The following PPIP5K2 variants were observed in gnomAD, a reference collection of about 807,000 sequenced individuals.
The protein encoded by PPIP5K2 is diphosphoinositol pentakisphosphate kinase 2, also known as inositol hexakisphosphate and diphosphoinositol-pentakisphosphate kinase 2.
A neutral mutation model predicts 154.6 loss-of-function variants in PPIP5K2; 105 were observed. The ratio of observed to expected loss-of-function variants is 0.68; its 90% CI spans 0.58 to 0.80. The LOEUF (loss-of-function observed/expected upper bound fraction) is 0.80, where lower values mean the gene tolerates loss of function less well. PPIP5K2 is among the 30% of genes least tolerant of loss of function. PPIP5K2 has a pLI of 0.00. For missense variants in PPIP5K2, 992 were observed against 1,504.6 expected (o/e 0.66, Z 5.64); for synonymous variants, 480 against 490.3 (o/e 0.98, Z 0.28).
chr5:103,151,048 A>G (rs1305165160), intron 8 of PPIP5K2, among the ~76,000 whole-genome samples: 6 of 151,960 alleles, frequency 3.9e-5, no homozygotes, highest in Non-Finnish European at 5.9e-5. Context: ...AAAGACTTAA[A>G]TAATCATATA....
chr5:103,154,019 A>T, intron 11 of PPIP5K2, 85 bp downstream of exon 11: 1 of 1,003,868 alleles, frequency 1.0e-6, no homozygotes, highest in Non-Finnish European at 1.4e-6. Flanking sequence ...TTAATACATC[A>T]TATAGAAAAA....
chr5:103,149,442 C>A, intron 8 of PPIP5K2, 129 bp downstream of exon 8: 2 of 765,646 alleles, frequency 2.6e-6, no homozygotes, highest in Non-Finnish European at 3.9e-6. Flanking sequence ...CTGAATGGTT[C>A]ATGTACTTTT....
chr5:103,146,683 T>C lies in PPIP5K2; in HGVS notation c.642+2T>C. Reference sequence around the variant, plus strand: ...GGAAGTCAAAGACTCTTTAGAAAGGTAACACCTTTGTAACTTTTGTATGAA... The same window carrying C: ...GGAAGTCAAAGACTCTTTAGAAAGGCAACACCTTTGTAACTTTTGTATGAA... On this transcript the variant is annotated splice_donor_variant, in intron 6 of 30. Transcript: ENST00000358359. LOFTEE classifies it high-confidence loss of function. 1 of 1,603,700 alleles carries C rather than the reference T, an allele frequency of 6.2e-7. No individual in the cohort carries two copies. Among genetic ancestry groups the C allele is most frequent in the South Asian group, 1.1e-5 (1 of 89,806 alleles).
intron 30 of PPIP5K2, among the ~76,000 whole-genome samples, chr5:103,198,849 A>G (rs1554229373): frequency 1.3e-5 from 2 of 152,056 alleles, no homozygotes; most frequent in African/African-American, 4.8e-5. Context: ...CCTTTTGATT[A>G]TTATACCTTT....
At chr5:103,149,720 A>G (rs150956703) in intron 8 of PPIP5K2, among the ~76,000 whole-genome samples, 2,670 of 149,748 alleles carry the variant, frequency 0.018, 81 homozygotes, top group African/African-American at 0.061. Context: ...TTTTTTTGAG[A>G]CGGAGTCTCG....
intron 1 of PPIP5K2, among the ~76,000 whole-genome samples, chr5:103,125,238 G>A (rs1420683474): frequency 2.0e-5 from 3 of 152,168 alleles, no homozygotes; most frequent in Non-Finnish European, 4.4e-5. Context: ...AAGTGATGTG[G>A]AGTATAGCCT....
At position 103,159,298 on chromosome 5, in the gene PPIP5K2, C is replaced by T. The variant is rs1795865704; in HGVS notation, c.1890C>T (p.Asp630=). 1 of 1,610,662 alleles carries T rather than the reference C, an allele frequency of 6.2e-7. No homozygotes were observed. The highest frequency in any genetic ancestry group is 1.3e-5 in the African/African-American group (1 of 74,662). Reference sequence around the variant, plus strand: ...GGCTTCATGAAATACTTCAGAAAGACAGAGATTTTACTGCTGAAGATTATG... The same window carrying T: ...GGCTTCATGAAATACTTCAGAAAGATAGAGATTTTACTGCTGAAGATTATG... ...KARLHEILQK[D]RDFTAEDYEK... The change falls in exon 17 of 31, where the codon GAC becomes GAT. Residue 630 remains aspartate (D), a synonymous_variant. Coordinates refer to ENST00000358359, the MANE Select transcript of PPIP5K2 (RefSeq NM_001276277.3).
intron 17 of PPIP5K2, among the ~76,000 whole-genome samples, chr5:103,162,350 C>CTTTT (rs200973581): frequency 2.2e-5 from 3 of 138,562 alleles, no homozygotes; most frequent in Non-Finnish European, 4.7e-5. Context: ...GATGTGTTTT[C>CTTTT]TTTTTTTTTT....
chr5:103,139,633 A>G (rs1041485761), intron 5 of PPIP5K2, among the ~76,000 whole-genome samples: 2 of 152,220 alleles, frequency 1.3e-5, no homozygotes, highest in African/African-American at 2.4e-5. Context: ...GTGAATGTCT[A>G]CAAGCATCAA....
intron 30 of PPIP5K2, among the ~76,000 whole-genome samples, chr5:103,197,860 G>T (rs1392853712): frequency 6.6e-6 from 1 of 151,652 alleles, no homozygotes; most frequent in South Asian, 2.1e-4. Flanking sequence ...TTACAGGTGT[G>T]AGCCACCGCA....
chr5:103,179,828 G>A (rs1799236977), intron 23 of PPIP5K2, among the ~76,000 whole-genome samples, 193 bp from the exon 24 acceptor site: 1 of 152,000 alleles, frequency 6.6e-6, no homozygotes, highest in African/African-American at 2.4e-5. Flanking sequence ...TGAACTCAGA[G>A]ACTCTGCCTT....
intron 10 of PPIP5K2, among the ~76,000 whole-genome samples, chr5:103,153,256 T>C (rs1794914497): frequency 6.6e-6 from 1 of 151,864 alleles, no homozygotes; most frequent in South Asian, 2.1e-4. Context: ...TCATACTGAT[T>C]TAACACGCAA....
At chr5:103,151,406 C>T (rs115133733) in intron 9 of PPIP5K2, 32 bp downstream of exon 9, 16,747 of 1,511,846 alleles carry the variant, frequency 0.011, 109 homozygotes, top group Non-Finnish European at 0.014. Context: ...TTTTTACCTT[C>T]ATATACTAGT....
In PPIP5K2 at chr5:103,208,114, G is replaced by T; in HGVS notation, c.*6480G>T. ...TCTTTTTCTTTTTTTTTTTGAGATG[G>T]AGTTTTACTCTTGTTGCCTAGGCTG... On this transcript the variant is annotated 3_prime_UTR_variant, in exon 31 of 31. Transcript: ENST00000358359. 1 of 149,414 alleles carries T rather than the reference G, an allele frequency of 6.7e-6. No individual in the cohort carries two copies. Among genetic ancestry groups the T allele is most frequent in the Admixed American group, 6.7e-5 (1 of 14,980 alleles). 9.3% of individuals were successfully genotyped at this position (149,414 alleles called of 1,614,324 possible).
Position 103,158,463 on chromosome 5 carries a change from G to GGA in PPIP5K2, c.1628_1629dup (p.Phe544AspfsTer30). 1 of 1,605,306 alleles carries GGA rather than the reference G, an allele frequency of 6.2e-7. No homozygotes were observed. Among genetic ancestry groups the GGA allele is most frequent in the Admixed American group, 1.7e-5 (1 of 57,670 alleles). ...GGATTTATTTTCAGGAGATTATGCA[G>GGA]GATTTCCTGGTTGTGGTTTACTTAG... On this transcript the variant is annotated frameshift_variant, in exon 16 of 31. Coordinates refer to ENST00000358359, the MANE Select transcript of PPIP5K2 (RefSeq NM_001276277.3). LOFTEE classifies it high-confidence loss of function.
intron 25 of PPIP5K2, chr5:103,184,235 ATTTAAAG>A (rs1182565904): frequency 6.5e-6 from 1 of 153,676 alleles, no homozygotes; most frequent in East Asian, 1.9e-4. Context: ...GGCTGTGAAT[ATTTAAAG>A]GTTACTCTGA....
chr5:103,177,399 T>G (rs930691076), intron 21 of PPIP5K2, among the ~76,000 whole-genome samples: 7 of 151,936 alleles, frequency 4.6e-5, no homozygotes, highest in Admixed American at 2.6e-4. Flanking sequence ...GCTCAAAAAG[T>G]TTTGAATTTT....
intron 17 of PPIP5K2, among the ~76,000 whole-genome samples, chr5:103,162,958 T>C (rs1554216493): frequency 6.6e-6 from 1 of 152,086 alleles, no homozygotes; most frequent in Admixed American, 6.6e-5. Context: ...GACTATTCTT[T>C]CCCATTACTC....
intron 4 of PPIP5K2, 70 bp downstream of exon 4, chr5:103,136,892 C>T (rs1554204479): frequency 1.9e-6 from 2 of 1,074,204 alleles, no homozygotes; most frequent in Non-Finnish European, 2.9e-6. Context: ...TGTACACTGA[C>T]ATGGCATCAG....
Sources: allele counts gnomAD v4.1 joint callset (sites outside exome capture counted in the v4.1 genomes callset), GRCh38; gene constraint gnomAD v4.1.1; transcripts MANE v1.5; gene names NCBI Gene and HGNC (gene_info 2026-07-23, HGNC 2026-07-21).